The following NEDD4L variants were observed in gnomAD, a reference collection of about 807,000 sequenced individuals.
NEDD4L encodes the protein E3 ubiquitin-protein ligase NEDD4-like.
In NEDD4L, 54 loss-of-function variants were observed where a neutral mutation model predicts 148.9. The ratio of observed to expected loss-of-function variants is 0.36; its 90% CI spans 0.29 to 0.45. The LOEUF is 0.45. Ranked by LOEUF, NEDD4L falls within the 20% of genes least tolerant of loss-of-function variation. The pLI, the probability that NEDD4L is intolerant of heterozygous loss-of-function variation, is 1.00. For synonymous variants in NEDD4L, 433 were observed against 440.7 expected, an observed-to-expected ratio of 0.98 and a Z score of 0.22; for missense variants, 856 against 1,233.8, an observed-to-expected ratio of 0.69 and a Z score of 4.59.
intron 2 of NEDD4L, among the ~76,000 whole-genome samples, chr18:58,194,404 T>C (rs1438163944): frequency 6.6e-6 from 1 of 152,246 alleles, no homozygotes; most frequent in Non-Finnish European, 1.5e-5. Context: ...ATAAGTAAGC[T>C]GTAAATTCCC....
At chr18:58,225,646 G>A (rs2044266883) in intron 2 of NEDD4L, among the ~76,000 whole-genome samples, 2 of 152,152 alleles carry the variant, frequency 1.3e-5, no homozygotes, top group Admixed American at 6.5e-5. Flanking sequence ...CAGCAAATAT[G>A]TACCAAGCCC....
chr18:58,304,236 T>C (rs1162970313), intron 5 of NEDD4L, among the ~76,000 whole-genome samples: 2 of 151,652 alleles, frequency 1.3e-5, no homozygotes, highest in Non-Finnish European at 2.9e-5. Flanking sequence ...TAACATTTAT[T>C]GGCCAGGGGC....
chr18:58,142,149 C>T (rs1268541078), intron 1 of NEDD4L, among the ~76,000 whole-genome samples: 1 of 147,222 alleles, frequency 6.8e-6, no homozygotes, highest in Non-Finnish European at 1.5e-5. Flanking sequence ...TGGGTTCACG[C>T]CATTCTCCTG....
chr18:58,330,693 C>T, intron 10 of NEDD4L, 45 bp from the exon 11 acceptor site: 1 of 1,407,644 alleles, frequency 7.1e-7, no homozygotes, highest in Non-Finnish European at 9.4e-7. Flanking sequence ...TGGGTGGATC[C>T]CTACTTCTTT....
Position 58,339,113 on chromosome 18 carries a change from C to T in NEDD4L, c.1126-1925C>T, listed in dbSNP as rs187212203. ...TTTCCGGAGCTGAGTTTTCCAGGGG[C>T]GGGGCCAGGGGGAGTGGGGAGTTAT... On this transcript the variant is annotated intron_variant, in intron 13 of 30. Transcript: ENST00000400345. Among the ~76,000 whole-genome samples, 858 of 116,734 alleles carry T rather than the reference C, an allele frequency of 7.4e-3. 10 individuals are homozygous for T. The highest frequency in any genetic ancestry group is 0.026 in the African/African-American group (789 of 29,990). 76.6% of individuals were successfully genotyped at this position (116,734 alleles called of 152,430 possible).
At chr18:58,166,980 A>G (rs535266065) in intron 2 of NEDD4L, among the ~76,000 whole-genome samples, 17 of 152,334 alleles carry the variant, frequency 1.1e-4, no homozygotes, top group African/African-American at 3.6e-4. Flanking sequence ...GTGATTGATC[A>G]TGCATGATTG....
intron 2 of NEDD4L, among the ~76,000 whole-genome samples, chr18:58,191,350 T>C (rs375949873): frequency 7.2e-5 from 11 of 152,300 alleles, no homozygotes; most frequent in Admixed American, 2.6e-4. Context: ...AGAAGCCTAA[T>C]CTCTGTAATG....
At chr18:58,386,788 A>G (rs562020331) in intron 26 of NEDD4L, among the ~76,000 whole-genome samples, 32 of 152,272 alleles carry the variant, frequency 2.1e-4, no homozygotes, top group African/African-American at 2.6e-4. Context: ...CGGGCAGCAC[A>G]CTCAGAAACA....
Position 58,256,697 on chromosome 18 carries a change from C to G in NEDD4L, c.297+4643C>G. On this transcript the variant is annotated intron_variant, in intron 5 of 30. Coordinates refer to ENST00000400345, the MANE Select transcript of NEDD4L (RefSeq NM_001144967.3). The surrounding 1 kb of genome is among the most constrained non-coding windows in gnomAD (Gnocchi z 5.2). Reference sequence around the variant, plus strand: ...GCAGCATTTTAGAATTCTTGTAACCCGGGGGCCGGAAGAAGCTCCCCAGAA... The same window carrying G: ...GCAGCATTTTAGAATTCTTGTAACCGGGGGGCCGGAAGAAGCTCCCCAGAA... 1 of 1,232,146 alleles carries G rather than the reference C, an allele frequency of 8.1e-7. No individual in the cohort carries two copies. Among genetic ancestry groups the G allele is most frequent in the Non-Finnish European group, 1.0e-6 (1 of 988,024 alleles). The allele number at this position is 1,232,146 out of a possible 1,614,324, so 76.3% of individuals were successfully genotyped here.
chr18:58,245,734 G>A (rs919245059), intron 3 of NEDD4L, among the ~76,000 whole-genome samples: 4 of 141,014 alleles, frequency 2.8e-5, no homozygotes, highest in Admixed American at 1.5e-4. Flanking sequence ...AGGCTGGAGT[G>A]CAATGGCATG....
In NEDD4L at chr18:58,194,246, G is replaced by A. The variant is rs559149609; in HGVS notation, c.122+28385G>A. 4.2e-4 allele frequency among the ~76,000 whole-genome samples: 64 copies of A among 152,256 alleles called. No individual in the cohort carries two copies. The South Asian group carries it at 0.012, about 29-fold the overall frequency. ...GGGAGATGGTGTAGGGCTCATGACTGTAAAAGCAGGAGCCACCAGCAGATG... is the reference window on the plus strand; with the variant it reads ...GGGAGATGGTGTAGGGCTCATGACTATAAAAGCAGGAGCCACCAGCAGATG... On this transcript the variant is annotated intron_variant, in intron 2 of 30. Coordinates refer to ENST00000400345, the MANE Select transcript of NEDD4L (RefSeq NM_001144967.3).
In NEDD4L at chr18:58,245,488, C is replaced by T; in HGVS notation, c.184C>T (p.Gln62Ter). The change falls in exon 3 of 31, where the codon CAG becomes TAG. Residue 62 changes from glutamine to a stop codon, truncating the protein, a stop_gained. Coordinates refer to ENST00000400345, the MANE Select transcript of NEDD4L (RefSeq NM_001144967.3). LOFTEE classifies it high-confidence loss of function. The stretch of plus-strand genomic sequence containing the variant: ...TGAGAATAGAGAACTTGCTTTGGTC[C>T]AGACAAAAACAATTAAAAAGGTAGG... Reference protein sequence around the residue: ...ADENRELALVQTKTIKKTLNP... With the variant: ...ADENRELALV 1 of 1,569,556 alleles carries T rather than the reference C, an allele frequency of 6.4e-7. No individual in the cohort carries two copies. Among genetic ancestry groups the T allele is most frequent in the Non-Finnish European group, 8.7e-7 (1 of 1,147,522 alleles).
At chr18:58,116,198 T>C (rs1201174811) in intron 1 of NEDD4L, among the ~76,000 whole-genome samples, 1 of 152,246 alleles carries the variant, frequency 6.6e-6, no homozygotes, top group Non-Finnish European at 1.5e-5. Flanking sequence ...GACAGCACGC[T>C]CAGAATTGCG....
At chr18:58,247,779 C>T (rs747922059) in intron 3 of NEDD4L, among the ~76,000 whole-genome samples, 2 of 152,194 alleles carry the variant, frequency 1.3e-5, no homozygotes, top group Non-Finnish European at 2.9e-5. Flanking sequence ...AGCTGCCCTC[C>T]GGGACTGCAG....
rs559872265 is a variant in NEDD4L, at chr18:58,291,297, A to T, written c.298-24685A>T. On this transcript the variant is annotated intron_variant, in intron 5 of 30. Coordinates refer to ENST00000400345, the MANE Select transcript of NEDD4L (RefSeq NM_001144967.3). ...TTCACAGCCCCCACTCAGAGGTGAG[A>T]TAGGTCACCTTTTCTCATTAGCCAA... Among the ~76,000 whole-genome samples, 30 of 152,364 alleles carry T rather than the reference A, an allele frequency of 2.0e-4. 2 individuals carry two copies. The South Asian group carries it at 6.0e-3, about 31-fold the overall frequency.
intron 5 of NEDD4L, among the ~76,000 whole-genome samples, chr18:58,276,593 C>T (rs1399126306): frequency 1.3e-5 from 2 of 151,762 alleles, no homozygotes; most frequent in South Asian, 2.1e-4. Context: ...AATGACAATA[C>T]TTGCAGTAGA....
intron 1 of NEDD4L, among the ~76,000 whole-genome samples, chr18:58,111,520 T>G (rs2085419112): frequency 6.6e-6 from 1 of 152,244 alleles, no homozygotes; most frequent in African/African-American, 2.4e-5. Flanking sequence ...TCATATAAAC[T>G]GAGTCATGCC....
At chr18:58,229,890 G>A (rs2044895060) in intron 2 of NEDD4L, among the ~76,000 whole-genome samples, 1 of 152,180 alleles carries the variant, frequency 6.6e-6, no homozygotes, top group African/African-American at 2.4e-5. Flanking sequence ...CTCGGAGGCT[G>A]AGGCAAGAGA....
At chr18:58,119,825 T>C (rs2086106137) in intron 1 of NEDD4L, among the ~76,000 whole-genome samples, 2 of 152,168 alleles carry the variant, frequency 1.3e-5, no homozygotes, top group Non-Finnish European at 2.9e-5. Context: ...GCTGACTTCA[T>C]TGGTCGGGGG....
Sources: gnomAD v4.1 joint callset for allele counts (sites outside exome capture counted in the v4.1 genomes callset) on GRCh38, gnomAD v4.1.1 for gene constraint, Gnocchi (gnomAD v3.1) non-coding constraint, MANE v1.5 for transcripts, NCBI Gene and HGNC (gene_info 2026-07-23, HGNC 2026-07-21) for gene names.